Variants in SYNRG observed in about 807,000 individuals in gnomAD.
SYNRG encodes synergin gamma.
Under a neutral mutation model 130.9 loss-of-function variants are expected in SYNRG, and 37 were observed. That is an observed-to-expected ratio of 0.28 (90% CI 0.22 to 0.37). The LOEUF (loss-of-function observed/expected upper bound fraction) is 0.37. Among genes scored for constraint, SYNRG ranks in the 10% least tolerant of loss-of-function variants. The probability of loss-of-function intolerance (pLI) is 1.00; values close to 1 mark genes in which losing one functional copy is unlikely to be tolerated. For missense variants in SYNRG, 1,338 were observed against 1,588.9 expected, an observed-to-expected ratio of 0.84 and a Z score of 2.68; for synonymous variants, 539 against 568.1, an observed-to-expected ratio of 0.95 and a Z score of 0.73.
intron 14 of SYNRG, among the ~76,000 whole-genome samples, chr17:37,550,320 G>A (rs1337932080): frequency 1.3e-5 from 2 of 152,060 alleles, no homozygotes; most frequent in Non-Finnish European, 2.9e-5. Flanking sequence ...TACATTAATG[G>A]AATTATAAGA....
Position 37,518,954 on chromosome 17 carries a change from G to A in SYNRG, c.3931C>T (p.Pro1311Ser), listed in dbSNP as rs1208647696. 2 of 1,614,048 alleles carry A rather than the reference G, an allele frequency of 1.2e-6. No individual in the cohort carries two copies. The highest frequency in any genetic ancestry group is 1.3e-5 in the African/African-American group (1 of 75,054). The change falls in exon 22 of 22, where the codon CCT becomes TCT. Residue 1311 changes from proline to serine, a missense_variant. Pro to Ser is a moderately conservative substitution (Grantham distance 74). Coordinates refer to ENST00000612223, the MANE Select transcript of SYNRG (RefSeq NM_007247.6). ...VEPKPPGLVL[P>S]DLL ...AGAGGAGTTGTTCAGAGCAGGTCAG[G>A]CAGGACGAGGCCAGGAGGCTTTGGT... is the stretch of plus-strand genomic sequence containing the variant.
rs563590206 is a variant in SYNRG at position 37,605,743 on chromosome 17, A to G, written c.77+3536T>C. The G allele has an allele frequency of 2.2e-4, 203 of 935,328 alleles. No individual in the cohort carries two copies. The African/African-American group carries it at 2.9e-3, about 13-fold the overall frequency. 57.9% of individuals were successfully genotyped at this position (935,328 alleles called of 1,614,324 possible). A position where few individuals can be genotyped will look rare whatever the true frequency, so the allele number is the denominator to read the frequency against. On this transcript the variant is annotated intron_variant, in intron 1 of 21. Transcript: ENST00000612223. ...AAAAAACTGGGCAGGAAGGTGACCA[A>G]CAATTTAATTTCAAAGGTAAAACCA...
Position 37,586,499 on chromosome 17 carries a change from T to A in SYNRG, c.291A>T (p.Gly97=). The A allele has an allele frequency of 6.2e-7, 1 of 1,614,200 alleles. No individual in the cohort carries two copies. Among genetic ancestry groups the A allele is most frequent in the Non-Finnish European group, 8.5e-7 (1 of 1,180,034 alleles). ...PMPAAGMPYL[G]QAPFLGMRPP... is the part of the protein sequence containing the mutation. ...GACGCATGCCCAGGAAGGGTGCTTG[T>A]CCTAGGTAAGGCATTCCCGCTGCTG... The change falls in exon 4 of 22, where the codon GGA becomes GGT. Residue 97 remains glycine (G), a synonymous_variant. Coordinates refer to ENST00000612223, the MANE Select transcript of SYNRG (RefSeq NM_007247.6).
chr17:37,584,521 T>C, intron 6 of SYNRG, 127 bp downstream of exon 6: 1 of 713,358 alleles, frequency 1.4e-6, no homozygotes, highest in Non-Finnish European at 2.4e-6. Context: ...CATCCAAATC[T>C]GTACTTAGCT....
chr17:37,566,000 G>A (rs1226463111), intron 11 of SYNRG, among the ~76,000 whole-genome samples: 5 of 148,968 alleles, frequency 3.4e-5, no homozygotes, highest in East Asian at 2.0e-4. Context: ...CGCCCCGTCC[G>A]GGAGGGAGGT....
rs2061570153 is a variant in SYNRG at position 37,584,724 on chromosome 17, G to A, written c.513C>T (p.Ala171=). The A allele has an allele frequency of 6.2e-7, 1 of 1,613,396 alleles. No individual in the cohort carries two copies. The highest frequency in any genetic ancestry group is 1.7e-5 in the Admixed American group (1 of 59,988). ...GEKSRDDALE[A]IKGNLDGFSR... is the part of the protein sequence containing the mutation. ...AAAACCCATCTAAATTTCCTTTTAT[G>A]GCTTCCAAAGCATCATCTCTACTCT... The change falls in exon 6 of 22, where the codon GCC becomes GCT. Residue 171 remains alanine (A), a synonymous_variant. Coordinates refer to ENST00000612223, the MANE Select transcript of SYNRG (RefSeq NM_007247.6).
chr17:37,518,369 G>T lies in SYNRG; in HGVS notation c.*571C>A, dbSNP rs1335119248. The T allele has an allele frequency of 1.3e-5, 2 of 152,504 alleles. No individual in the cohort carries two copies. The highest frequency in any genetic ancestry group is 3.9e-4 in the East Asian group (2 of 5,184). 9.4% of individuals were successfully genotyped at this position (152,504 alleles called of 1,614,324 possible). On this transcript the variant is annotated 3_prime_UTR_variant, in exon 22 of 22. Coordinates refer to ENST00000612223, the MANE Select transcript of SYNRG (RefSeq NM_007247.6). ...GAAGGAGTAGAGAACTGGTTCAGTT[G>T]TGACAACCAAGTGGGTAAAATCTGC...
At chr17:37,537,204 C>T (rs2057276218) in intron 18 of SYNRG, 1 of 152,304 alleles carries the variant, frequency 6.6e-6, no homozygotes, top group African/African-American at 2.4e-5. Context: ...TCCACTCATC[C>T]AGCAAATATT....
At chr17:37,554,091 A>G (rs2058916299) in intron 13 of SYNRG, 32 bp from the exon 14 acceptor site, 3 of 1,572,324 alleles carry the variant, frequency 1.9e-6, no homozygotes, top group South Asian at 2.4e-5. Flanking sequence ...AACAAATGGG[A>G]ATGCTGAACT....
chr17:37,516,168 T>A lies in SYNRG; in HGVS notation c.*2772A>T, dbSNP rs2054410651. The A allele has an allele frequency of 6.6e-6, 1 of 152,144 alleles. No homozygotes were observed. Among genetic ancestry groups the A allele is most frequent in the East Asian group, 1.9e-4 (1 of 5,194 alleles). 9.4% of individuals were successfully genotyped at this position (152,144 alleles called of 1,614,324 possible). On this transcript the variant is annotated 3_prime_UTR_variant, in exon 22 of 22. Coordinates refer to ENST00000612223, the MANE Select transcript of SYNRG (RefSeq NM_007247.6). ...AGTGGGGTGAAGCGGGCTGACACAATGCACAGTATGGAAATAAGTAACCTT... is the reference window on the plus strand; with the variant it reads ...AGTGGGGTGAAGCGGGCTGACACAAAGCACAGTATGGAAATAAGTAACCTT...
rs1191086715 is a variant in SYNRG at position 37,515,038 on chromosome 17, T to C, written c.*3902A>G. ...GCTAAGGGCCACAGCATTCACTGGT[T>C]AATAAAGCCACAGCTACAAAGTAAT... On this transcript the variant is annotated 3_prime_UTR_variant, in exon 22 of 22. Transcript: ENST00000612223. The C allele has an allele frequency of 6.6e-6, 1 of 152,250 alleles. No homozygotes were observed. The highest frequency in any genetic ancestry group is 1.5e-5 in the Non-Finnish European group (1 of 68,044). The allele number at this position is 152,250 out of a possible 1,614,324, so 9.4% of individuals were successfully genotyped here. A position where few individuals can be genotyped will look rare whatever the true frequency, so the allele number is the denominator to read the frequency against.
At chr17:37,600,591 C>G in intron 1 of SYNRG, 188 bp from the exon 2 acceptor site, 1 of 710,484 alleles carries the variant, frequency 1.4e-6, no homozygotes, top group Non-Finnish European at 2.6e-6. Flanking sequence ...CTACTGCAGA[C>G]GGAAACTTGT....
At chr17:37,528,421 C>T (rs991760469) in intron 19 of SYNRG, among the ~76,000 whole-genome samples, 1 of 152,044 alleles carries the variant, frequency 6.6e-6, no homozygotes, top group African/African-American at 2.4e-5. Flanking sequence ...GATCGGCAGG[C>T]CCTAGGTGCA....
chr17:37,569,695 C>CAA (rs58479763), intron 10 of SYNRG, among the ~76,000 whole-genome samples: 24 of 87,776 alleles, frequency 2.7e-4, no homozygotes, highest in African/African-American at 7.3e-4. Flanking sequence ...CAAAATGCTA[C>CAA]AAAAAAAAAA....
At chr17:37,604,875 G>A (rs769027026) in intron 1 of SYNRG, among the ~76,000 whole-genome samples, 4 of 152,138 alleles carry the variant, frequency 2.6e-5, no homozygotes, top group East Asian at 1.9e-4. Context: ...GAGGAAGACC[G>A]GGGAACAGCT....
In SYNRG at chr17:37,570,903, A is replaced by G. The variant is rs201431946; in HGVS notation, c.1099-18T>C. 4 of 1,606,042 alleles carry G rather than the reference A, an allele frequency of 2.5e-6. No homozygotes were observed. The highest frequency in any genetic ancestry group is 2.2e-5 in the East Asian group (1 of 44,764). ...ACGCCCCTCTACAAATGATAGAAAG[A>G]AAATGGATTAGAGGATTGTAAACCA... On this transcript the variant is annotated intron_variant, in intron 9 of 21. Transcript: ENST00000612223.
At chr17:37,604,878 G>A (rs1024989493) in intron 1 of SYNRG, among the ~76,000 whole-genome samples, 1 of 152,142 alleles carries the variant, frequency 6.6e-6, no homozygotes, top group Non-Finnish European at 1.5e-5. Context: ...GAAGACCGGG[G>A]AACAGCTGGT....
At chr17:37,577,729 C>CAAAAA in intron 6 of SYNRG, 116 bp from the exon 7 acceptor site, 1 of 751,342 alleles carries the variant, frequency 1.3e-6, no homozygotes, top group Non-Finnish European at 2.0e-6. Flanking sequence ...GATGGAATCT[C>CAAAAA]ACTCTGTCAC....
chr17:37,520,508 TG>T, intron 20 of SYNRG, 29 bp downstream of exon 20: 1 of 1,597,148 alleles, frequency 6.3e-7, no homozygotes, highest in Non-Finnish European at 8.6e-7. Context: ...GGAAGCCCTT[TG>T]CTGTCTGCAA....
Sources: allele counts gnomAD v4.1 joint callset (sites outside exome capture counted in the v4.1 genomes callset), GRCh38; gene constraint gnomAD v4.1.1; transcripts MANE v1.5; gene names NCBI Gene and HGNC (gene_info 2026-07-23, HGNC 2026-07-21).